Variants in PDE8B observed in about 807,000 individuals in gnomAD.
PDE8B encodes the protein phosphodiesterase 8B.
Under a neutral mutation model 101.3 loss-of-function variants are expected in PDE8B, and 26 were observed. The observed-to-expected ratio is 0.26, with a 90% CI of 0.19 to 0.36. The LOEUF is 0.36. Among genes scored for constraint, PDE8B ranks in the 10% least tolerant of loss-of-function variants. The probability of loss-of-function intolerance (pLI) is 1.00; values close to 1 mark genes in which losing one functional copy is unlikely to be tolerated. For missense variants in PDE8B, 810 were observed against 1,163.1 expected (o/e 0.70, Z 4.42); for synonymous variants, 424 against 429.3 (o/e 0.99, Z 0.15).
intron 1 of PDE8B, among the ~76,000 whole-genome samples, chr5:77,279,723 G>A (rs251425): frequency 0.18 from 27,961 of 152,116 alleles, 2,825 homozygotes; most frequent in South Asian, 0.23. Flanking sequence ...CAAAGGTGGG[G>A]TCTGAATACA....
At chr5:77,180,900 G>A in the PDE8B span, among the ~76,000 whole-genome samples, 2 of 152,258 alleles carry the variant, frequency 1.3e-5, no homozygotes, top group Admixed American at 6.5e-5. Context: ...CGTGCTTCCA[G>A]TGGCTGCAAA....
intron 12 of PDE8B, among the ~76,000 whole-genome samples, chr5:77,405,567 A>AGGG (rs541892076): frequency 1.5e-3 from 235 of 152,186 alleles, no homozygotes; most frequent in African/African-American, 5.4e-3. Flanking sequence ...AACATCTCTA[A>AGGG]GGGGTGTGTG....
the PDE8B span, among the ~76,000 whole-genome samples, chr5:77,193,897 T>C: frequency 1.3e-5 from 2 of 152,182 alleles, no homozygotes; most frequent in Non-Finnish European, 1.5e-5. Context: ...TGCTTTTTAA[T>C]ATTATTGTAA....
intron 10 of PDE8B, among the ~76,000 whole-genome samples, chr5:77,357,931 C>A (rs1279594307): frequency 1.3e-5 from 2 of 152,238 alleles, no homozygotes; most frequent in East Asian, 3.9e-4. Context: ...CTGCCTGCAA[C>A]CCTTGGTGGC....
intron 10 of PDE8B, among the ~76,000 whole-genome samples, chr5:77,375,063 G>GT (rs1229427478): frequency 1.3e-5 from 2 of 152,200 alleles, no homozygotes; most frequent in Non-Finnish European, 2.9e-5. Flanking sequence ...GGATACAGCT[G>GT]TTTTTCCCAG....
intron 6 of PDE8B, among the ~76,000 whole-genome samples, chr5:77,343,545 G>A (rs1472701943): frequency 6.6e-6 from 1 of 152,220 alleles, no homozygotes; most frequent in Non-Finnish European, 1.5e-5. Flanking sequence ...TAGCATGAAT[G>A]GAGCTTGCAG....
the PDE8B span, among the ~76,000 whole-genome samples, chr5:77,107,490 G>A: frequency 6.6e-6 from 1 of 151,540 alleles, no homozygotes; most frequent in African/African-American, 2.4e-5. Context: ...TATTTTTTTT[G>A]TCCAATATCT....
At chr5:77,409,112 T>C in intron 14 of PDE8B, 55 bp downstream of exon 14, 3 of 1,465,896 alleles carry the variant, frequency 2.0e-6, no homozygotes, top group Non-Finnish European at 2.9e-6. Flanking sequence ...GCCTCTAGAG[T>C]GCAGCTGATG....
intron 1 of PDE8B, among the ~76,000 whole-genome samples, chr5:77,280,233 C>T (rs546292571): frequency 3.9e-5 from 6 of 152,252 alleles, no homozygotes; most frequent in South Asian, 4.1e-4. Context: ...GAAGAGCTCC[C>T]GGAGCCTGTG....
the PDE8B span, among the ~76,000 whole-genome samples, chr5:77,137,904 A>G: frequency 6.6e-6 from 1 of 152,188 alleles, no homozygotes; most frequent in Non-Finnish European, 1.5e-5. Context: ...TCTACAGACT[A>G]ACCATAGCAA....
intron 10 of PDE8B, among the ~76,000 whole-genome samples, chr5:77,394,343 C>T (rs1790569092): frequency 6.6e-6 from 1 of 152,130 alleles, no homozygotes; most frequent in African/African-American, 2.4e-5. Flanking sequence ...AGGCTCTCTG[C>T]TCATGAGTAT....
chr5:77,169,198 G>A, the PDE8B span, among the ~76,000 whole-genome samples: 1 of 152,350 alleles, frequency 6.6e-6, no homozygotes, highest in Non-Finnish European at 1.5e-5. Context: ...TGGAAACAAA[G>A]TGTTTCCCGT....
chr5:77,336,109 A>C (rs1904441), intron 5 of PDE8B, among the ~76,000 whole-genome samples: 3 of 152,102 alleles, frequency 2.0e-5, no homozygotes, highest in Admixed American at 2.0e-4. Flanking sequence ...GATGAATGAC[A>C]ATGTGTGCTG....
chr5:77,378,457 A>T (rs909792301), intron 10 of PDE8B, among the ~76,000 whole-genome samples: 10 of 1,686 alleles, frequency 5.9e-3, no homozygotes, highest in African/African-American at 9.2e-3. Context: ...GACTCCATCT[A>T]AAAAAAAAAA....
chr5:77,270,673 A>AT (rs1219227619), intron 1 of PDE8B, among the ~76,000 whole-genome samples: 15 of 152,116 alleles, frequency 9.9e-5, no homozygotes, highest in South Asian at 2.1e-4. Flanking sequence ...GAAGATAGTG[A>AT]TTTTTCCGGG....
At chr5:77,167,842 GCCCA>G in the PDE8B span, among the ~76,000 whole-genome samples, 1 of 152,132 alleles carries the variant, frequency 6.6e-6, no homozygotes. Context: ...GGGACCGTGT[GCCCA>G]GGACTCCTGG....
At chr5:77,312,277 T>A (rs901866321) in intron 2 of PDE8B, among the ~76,000 whole-genome samples, 3 of 151,996 alleles carry the variant, frequency 2.0e-5, no homozygotes, top group African/African-American at 7.2e-5. Flanking sequence ...CTAATTTTTG[T>A]ATTTTTAATA....
chr5:77,203,506 C>G, the PDE8B span, among the ~76,000 whole-genome samples: 3 of 152,174 alleles, frequency 2.0e-5, no homozygotes, highest in Non-Finnish European at 4.4e-5. Flanking sequence ...GGCATCATGG[C>G]TGGCTGGCTG....
chr5:77,388,455 A>G (rs1789194059), intron 10 of PDE8B, among the ~76,000 whole-genome samples: 1 of 152,132 alleles, frequency 6.6e-6, no homozygotes, highest in Non-Finnish European at 1.5e-5. Context: ...CTTCAGCCCA[A>G]AGGGGCACCA....
Sources: gnomAD v4.1 joint callset for allele counts (sites outside exome capture counted in the v4.1 genomes callset) on GRCh38, gnomAD v4.1.1 for gene constraint, MANE v1.5 for transcripts, NCBI Gene and HGNC (gene_info 2026-07-23, HGNC 2026-07-21) for gene names.